The following LRRFIP1 variants were observed in gnomAD, a reference collection of about 807,000 sequenced individuals.
LRRFIP1 encodes LRR binding FLII interacting protein 1.
A neutral mutation model predicts 104.4 loss-of-function variants in LRRFIP1; 62 were observed. That is an observed-to-expected ratio of 0.59 (90% CI 0.48 to 0.73). The LOEUF (loss-of-function observed/expected upper bound fraction) is 0.73, where lower values mean the gene tolerates loss of function less well. Among genes scored for constraint, LRRFIP1 ranks in the 30% least tolerant of loss-of-function variants. The pLI is 0.00. For missense variants in LRRFIP1, 796 were observed against 824.5 expected (o/e 0.97, Z 0.42); for synonymous variants, 300 against 299.0 (o/e 1.00, Z -0.03).
intron 11 of LRRFIP1, among the ~76,000 whole-genome samples, chr2:237,740,194 C>T (rs1156951377): frequency 6.6e-6 from 1 of 151,566 alleles, no homozygotes; most frequent in African/African-American, 2.4e-5. Flanking sequence ...TTTCTTGAAG[C>T]CAGGAGTTGG....
rs2060909413 is a variant in LRRFIP1 at position 237,774,355 on chromosome 2, T to TA, written c.1708-2dup. The TA allele has an allele frequency of 6.3e-7, 1 of 1,588,404 alleles. No individual in the cohort carries two copies. Among genetic ancestry groups the TA allele is most frequent in the African/African-American group, 1.4e-5 (1 of 74,060 alleles). Reference sequence around the variant, plus strand: ...TACATATGGTTTTTTTTCTACCTTTTAGGTAATAAGGTTAGAGAGTCAAGT... The same window carrying TA: ...TACATATGGTTTTTTTTCTACCTTTTAAGGTAATAAGGTTAGAGAGTCAAGT... On this transcript the variant is annotated splice_region_variant and splice_polypyrimidine_tract_variant and intron_variant, in intron 22 of 23. Coordinates refer to ENST00000308482, the MANE Select transcript of LRRFIP1 (RefSeq NM_001137550.2).
intron 19 of LRRFIP1, among the ~76,000 whole-genome samples, chr2:237,761,546 A>G (rs549710681): frequency 8.5e-5 from 13 of 152,404 alleles, no homozygotes; most frequent in Non-Finnish European, 8.8e-5. Flanking sequence ...TCAGTTTTGA[A>G]AGTGGCCTTC....
At chr2:237,731,350 C>A (rs1231625632) in intron 8 of LRRFIP1, among the ~76,000 whole-genome samples, 1 of 152,090 alleles carries the variant, frequency 6.6e-6, no homozygotes, top group Non-Finnish European at 1.5e-5. Flanking sequence ...ACCTCTTCAC[C>A]CCTTGTCCAA....
intron 8 of LRRFIP1, chr2:237,729,784 C>T: frequency 1.0e-6 from 1 of 985,326 alleles, no homozygotes; most frequent in Non-Finnish European, 1.2e-6. Flanking sequence ...GCTCAGAATT[C>T]CAGCTACAGC....
chr2:237,751,934 G>A (rs2058675532), intron 14 of LRRFIP1, among the ~76,000 whole-genome samples: 1 of 152,178 alleles, frequency 6.6e-6, no homozygotes. Context: ...GGAAGTGGGT[G>A]GCGTATCTGT....
chr2:237,774,116 A>C, intron 22 of LRRFIP1: 1 of 477,832 alleles, frequency 2.1e-6, no homozygotes, highest in East Asian at 3.7e-5. Flanking sequence ...TGCAGAAACC[A>C]CCCTGGTGGA....
chr2:237,653,316 T>C (rs2086251112), intron 1 of LRRFIP1, among the ~76,000 whole-genome samples: 1 of 152,090 alleles, frequency 6.6e-6, no homozygotes, highest in Admixed American at 6.6e-5. Context: ...AGGTGAAGGA[T>C]CTGTACATTA....
At chr2:237,710,747 C>T (rs193032424) in intron 2 of LRRFIP1, among the ~76,000 whole-genome samples, 4 of 145,588 alleles carry the variant, frequency 2.7e-5, no homozygotes, top group Admixed American at 1.4e-4. Flanking sequence ...AAGCAGTCAT[C>T]GATTTGAATG....
rs192092080 is a variant in LRRFIP1, at chr2:237,691,983, A to G, written c.97-16561A>G. 0.098 allele frequency among the ~76,000 whole-genome samples: 10,242 copies of G among 104,466 alleles called. 1,282 individuals are homozygous for G. The highest frequency in any genetic ancestry group is 0.32 in the African/African-American group (9,169 of 28,914). 68.5% of individuals were successfully genotyped at this position (104,466 alleles called of 152,430 possible). On this transcript the variant is annotated intron_variant, in intron 1 of 23. Transcript: ENST00000308482. This position sits in a 1 kb window ranked among gnomAD's most constrained non-coding sequence, Gnocchi z 5.4. ...GTGGGGCGGGGCCTGGGTGGGGCGG[A>G]GCCGGTGGGGGTGGGGAAAGGGGCG... is the stretch of plus-strand genomic sequence containing the variant.
At position 237,667,353 on chromosome 2, in the gene LRRFIP1, G is replaced by A. The variant is rs561239863; in HGVS notation, c.96+39613G>A. ...TAGTTTGCTGAGAATTGTGGCTTCC[G>A]GCTTCATCCATGTCCCTGCAAAGGA... On this transcript the variant is annotated intron_variant, in intron 1 of 23. Transcript: ENST00000308482. Among the ~76,000 whole-genome samples, 92 of 152,162 alleles carry A rather than the reference G, an allele frequency of 6.0e-4. 1 individual carries two copies. Among genetic ancestry groups the A allele is most frequent in the African/African-American group, 2.1e-3 (89 of 41,518 alleles).
intron 1 of LRRFIP1, among the ~76,000 whole-genome samples, chr2:237,678,757 C>T (rs1412579200): frequency 6.6e-6 from 1 of 152,146 alleles, no homozygotes; most frequent in Non-Finnish European, 1.5e-5. Context: ...ATCTGCCTGC[C>T]GTAGCCTCCA....
intron 15 of LRRFIP1, among the ~76,000 whole-genome samples, chr2:237,754,591 G>A (rs1419138711): frequency 6.6e-6 from 1 of 152,194 alleles, no homozygotes; most frequent in East Asian, 1.9e-4. Context: ...TTTTTAACTG[G>A]CTATTATCCT....
intron 17 of LRRFIP1, 129 bp downstream of exon 17, chr2:237,757,677 C>A: frequency 2.9e-6 from 2 of 681,174 alleles, no homozygotes; most frequent in South Asian, 3.4e-5. Flanking sequence ...GACACAAAGT[C>A]GTATTAATTT....
At chr2:237,714,956 A>G (rs1034972535) in intron 3 of LRRFIP1, among the ~76,000 whole-genome samples, 2 of 152,264 alleles carry the variant, frequency 1.3e-5, no homozygotes, top group African/African-American at 4.8e-5. Flanking sequence ...AGTCTTTCCC[A>G]TAAATGAATT....
In LRRFIP1 at chr2:237,631,870, T is replaced by C. The variant is rs550887494; in HGVS notation, c.96+4130T>C. 7.2e-5 allele frequency among the ~76,000 whole-genome samples: 11 copies of C among 152,324 alleles called. No homozygotes were observed. In the South Asian group the frequency reaches 2.3e-3, roughly 32 times the overall value. On this transcript the variant is annotated intron_variant, in intron 1 of 23. Coordinates refer to ENST00000308482, the MANE Select transcript of LRRFIP1 (RefSeq NM_001137550.2). The stretch of plus-strand genomic sequence containing the variant: ...AGCTTATTATCCCCTGGTGGTGCCA[T>C]AGGTACCCCTTCCTCACCCAGCAGG...
At chr2:237,665,659 A>T (rs1335795671) in intron 1 of LRRFIP1, among the ~76,000 whole-genome samples, 1 of 152,208 alleles carries the variant, frequency 6.6e-6, no homozygotes, top group African/African-American at 2.4e-5. Flanking sequence ...TGTGAAAGCG[A>T]TATTGTGTTT....
At position 237,719,586 on chromosome 2, in the gene LRRFIP1, C is replaced by A; in HGVS notation, c.294+19C>A. 1 of 1,599,140 alleles carries A rather than the reference C, an allele frequency of 6.3e-7. No homozygotes were observed. The highest frequency in any genetic ancestry group is 8.6e-7 in the Non-Finnish European group (1 of 1,168,250). On this transcript the variant is annotated intron_variant, in intron 5 of 23. Transcript: ENST00000308482. ...CACATCGGTTAGTACCGTGTTCATT[C>A]ATTACTTGGGCAATTTGATTGAATT...
chr2:237,737,703 C>T (rs1286722587), intron 10 of LRRFIP1, among the ~76,000 whole-genome samples: 1 of 152,178 alleles, frequency 6.6e-6, no homozygotes, highest in Non-Finnish European at 1.5e-5. Flanking sequence ...AAAGTGTTGA[C>T]ATTAAGTGTT....
chr2:237,738,887 T>C (rs918324692), intron 10 of LRRFIP1, among the ~76,000 whole-genome samples: 15 of 152,282 alleles, frequency 9.9e-5, no homozygotes, highest in Admixed American at 2.0e-4. Flanking sequence ...GGAAGGCAGC[T>C]TAAGTTCTCA....
Sources: allele counts gnomAD v4.1 joint callset (sites outside exome capture counted in the v4.1 genomes callset), GRCh38; gene constraint gnomAD v4.1.1; non-coding constraint Gnocchi (gnomAD v3.1); transcripts MANE v1.5; gene names NCBI Gene and HGNC (gene_info 2026-07-23, HGNC 2026-07-21).